Variants in DGKD observed in about 807,000 individuals in gnomAD.
DGKD encodes diacylglycerol kinase delta.
In DGKD, 68 loss-of-function variants were observed where a neutral mutation model predicts 154.4. The ratio of observed to expected loss-of-function variants is 0.44; its 90% CI spans 0.36 to 0.54. The LOEUF is 0.54. Ranked by LOEUF, DGKD falls within the 20% of genes least tolerant of loss-of-function variation. DGKD has a pLI of 0.00. For synonymous variants in DGKD, 693 were observed against 638.0 expected (o/e 1.09, Z -1.30); for missense variants, 1,343 against 1,593.6 (o/e 0.84, Z 2.68).
At chr2:233,390,189 C>T (rs184369868) in intron 2 of DGKD, among the ~76,000 whole-genome samples, 1 of 152,084 alleles carries the variant, frequency 6.6e-6, no homozygotes. Flanking sequence ...TTAAAAAAAT[C>T]ATGGCACTAT....
intron 3 of DGKD, among the ~76,000 whole-genome samples, chr2:233,397,258 C>T (rs844423): frequency 3.7e-4 from 8 of 21,714 alleles, no homozygotes; most frequent in East Asian, 1.3e-3. Flanking sequence ...GGGTGGCTGG[C>T]AGAGGCCAGA....
At chr2:233,418,740 C>T (rs1213803912) in intron 3 of DGKD, among the ~76,000 whole-genome samples, 1 of 152,170 alleles carries the variant, frequency 6.6e-6, no homozygotes, top group Non-Finnish European at 1.5e-5. Context: ...CCCAAAGCTG[C>T]TCTGAGGCTG....
At chr2:233,393,004 TCTC>T (rs1396220711) in intron 3 of DGKD, among the ~76,000 whole-genome samples, 4 of 152,196 alleles carry the variant, frequency 2.6e-5, no homozygotes, top group African/African-American at 9.6e-5. Context: ...ATTGAACAAT[TCTC>T]CTTTTCTGTT....
At chr2:233,394,208 A>C (rs930961407) in intron 3 of DGKD, among the ~76,000 whole-genome samples, 1 of 152,242 alleles carries the variant, frequency 6.6e-6, no homozygotes, top group African/African-American at 2.4e-5. Flanking sequence ...AATATTGAGT[A>C]ATCATTTGTT....
intron 18 of DGKD, among the ~76,000 whole-genome samples, chr2:233,454,065 G>A (rs907601718): frequency 9.9e-5 from 15 of 152,226 alleles, no homozygotes; most frequent in African/African-American, 3.1e-4. Flanking sequence ...CAGCTGCTGT[G>A]GGGAATAGTC....
chr2:233,441,437 GT>G lies in DGKD; in HGVS notation c.1086-449del, dbSNP rs1036697301. On this transcript the variant is annotated intron_variant, in intron 9 of 29. Transcript: ENST00000264057. This position sits in a 1 kb window ranked among gnomAD's most constrained non-coding sequence, Gnocchi z 5.6. ...GGAGTGCCAAGACTGAGGGTGCAGG[GT>G]GATGCAGGCAGCCCAGAGGGCATGC... 1.3e-5 allele frequency among the ~76,000 whole-genome samples: 2 copies of G among 152,206 alleles called. No homozygotes were observed. The highest frequency in any genetic ancestry group is 2.9e-5 in the Non-Finnish European group (2 of 68,030).
intron 3 of DGKD, among the ~76,000 whole-genome samples, chr2:233,423,194 C>G (rs1464747643): frequency 1.3e-5 from 2 of 152,164 alleles, no homozygotes; most frequent in African/African-American, 4.8e-5. Context: ...TTTTGGTGAT[C>G]ATGAATAAAG....
chr2:233,450,576 T>C (rs1559165984), intron 16 of DGKD, among the ~76,000 whole-genome samples: 1 of 152,162 alleles, frequency 6.6e-6, no homozygotes, highest in Non-Finnish European at 1.5e-5. Flanking sequence ...TGCAGGCTGC[T>C]GGGAGGCCCA....
intron 1 of DGKD, among the ~76,000 whole-genome samples, chr2:233,357,834 G>T (rs959693870): frequency 1.3e-5 from 2 of 152,124 alleles, no homozygotes; most frequent in African/African-American, 4.8e-5. Context: ...AATGCACCTG[G>T]CAGAATATGC....
At chr2:233,448,014 CAG>C (rs1375460032) in intron 12 of DGKD, 71 bp from the exon 13 acceptor site, 19 of 1,597,290 alleles carry the variant, frequency 1.2e-5, no homozygotes, top group Admixed American at 3.3e-5. Context: ...AAGTGGCTGA[CAG>C]AGTCACTGGG....
chr2:233,450,692 A>G (rs529328603), intron 16 of DGKD, among the ~76,000 whole-genome samples: 137 of 151,732 alleles, frequency 9.0e-4, no homozygotes, highest in African/African-American at 3.3e-3. Context: ...CCCTCCCTCC[A>G]GCGCTGCCAC....
At chr2:233,393,689 T>G (rs1353186295) in intron 3 of DGKD, among the ~76,000 whole-genome samples, 3 of 139,414 alleles carry the variant, frequency 2.2e-5, no homozygotes, top group Admixed American at 6.9e-5. Flanking sequence ...ATTGGTTTTT[T>G]TTTTTTTTTT....
Position 233,462,452 on chromosome 2 carries a change from C to T in DGKD, c.3086C>T (p.Thr1029Ile), listed in dbSNP as rs139447516. The T allele has an allele frequency of 3.1e-6, 5 of 1,595,452 alleles. No homozygotes were observed. In the African/African-American group the frequency reaches 5.4e-5, roughly 17 times the overall value. ...GACCGTGTGTATGGCAAGCCCAGAA[C>T]CACAGAGGTAGCTATTCTGGCCTTT... Reference protein sequence around the residue: ...SMDRVYGKPRTTEGLNCSFVL... With the variant: ...SMDRVYGKPRITEGLNCSFVL... The change falls in exon 25 of 30, where the codon ACC becomes ATC. Residue 1029 changes from threonine (T) to isoleucine (I), a missense_variant. By Grantham distance (89) the Thr-to-Ile change is moderately conservative (BLOSUM62 -1). Coordinates refer to ENST00000264057, the MANE Select transcript of DGKD (RefSeq NM_152879.3).
intron 12 of DGKD, 51 bp downstream of exon 12, chr2:233,446,847 A>G: frequency 6.2e-7 from 1 of 1,600,794 alleles, no homozygotes; most frequent in Non-Finnish European, 8.5e-7. Flanking sequence ...TGTGATCAGA[A>G]CTGTCCTGTC....
intron 3 of DGKD, among the ~76,000 whole-genome samples, chr2:233,411,462 A>G (rs750610897): frequency 7.2e-5 from 11 of 152,092 alleles, no homozygotes; most frequent in Non-Finnish European, 1.5e-4. Context: ...ACATCTTTTC[A>G]TGTGTTTGTT....
Position 233,469,533 on chromosome 2 carries a change from C to T in DGKD, c.*73C>T. 3.0e-6 allele frequency: 4 copies of T among 1,323,100 alleles called. No homozygotes were observed. In the South Asian group the frequency reaches 5.1e-5, roughly 17 times the overall value. The allele number at this position is 1,323,100 out of a possible 1,614,324, so 82.0% of individuals were successfully genotyped here. A position where few individuals can be genotyped will look rare whatever the true frequency, so the allele number is the denominator to read the frequency against. On this transcript the variant is annotated 3_prime_UTR_variant, in exon 30 of 30. Coordinates refer to ENST00000264057, the MANE Select transcript of DGKD (RefSeq NM_152879.3). ...TAGCCTCCGCCCTCTCAGCCTGTGG[C>T]CTCTGCGCCTCCTGCCACTGAGGCC...
rs955472080 is a variant in DGKD at position 233,471,114 on chromosome 2, C to T, written c.*1654C>T. Reference sequence around the variant, plus strand: ...CCTCTGCGTGCCTTTGGGTGCTCCCCTCTCGTGGTCGTTCTGGCCCGAGGC... The same window carrying T: ...CCTCTGCGTGCCTTTGGGTGCTCCCTTCTCGTGGTCGTTCTGGCCCGAGGC... On this transcript the variant is annotated 3_prime_UTR_variant, in exon 30 of 30. Transcript: ENST00000264057. 2 of 152,436 alleles carry T rather than the reference C, an allele frequency of 1.3e-5. No homozygotes were observed. Among genetic ancestry groups the T allele is most frequent in the African/African-American group, 4.8e-5 (2 of 41,458 alleles). The allele number at this position is 152,436 out of a possible 1,614,324, so 9.4% of individuals were successfully genotyped here.
intron 10 of DGKD, chr2:233,442,291 G>A (rs954872506): frequency 1.5e-5 from 8 of 522,040 alleles, no homozygotes; most frequent in East Asian, 4.0e-5. Context: ...GGGTGGGGCT[G>A]TTGCTTTACT....
At chr2:233,412,019 T>G (rs1274970601) in intron 3 of DGKD, among the ~76,000 whole-genome samples, 1 of 152,238 alleles carries the variant, frequency 6.6e-6, no homozygotes, top group Non-Finnish European at 1.5e-5. Context: ...CTTTGTTGAT[T>G]ACTGTAGTTT....
Sources: allele counts gnomAD v4.1 joint callset (sites outside exome capture counted in the v4.1 genomes callset), GRCh38; gene constraint gnomAD v4.1.1; non-coding constraint Gnocchi (gnomAD v3.1); transcripts MANE v1.5; gene names NCBI Gene and HGNC (gene_info 2026-07-23, HGNC 2026-07-21).